The following PEAK1 variants were observed in gnomAD, a reference collection of about 807,000 sequenced individuals.
The protein encoded by PEAK1 is pseudopodium enriched atypical kinase 1.
A neutral mutation model predicts 124.7 loss-of-function variants in PEAK1; 54 were observed. The ratio of observed to expected loss-of-function variants is 0.43; its 90% CI spans 0.35 to 0.54. The LOEUF (loss-of-function observed/expected upper bound fraction) is 0.54. PEAK1 is among the 20% of genes least tolerant of loss of function. The probability of loss-of-function intolerance (pLI) is 0.01; values close to 1 mark genes in which losing one functional copy is unlikely to be tolerated. For synonymous variants in PEAK1, 719 were observed against 760.0 expected, an observed-to-expected ratio of 0.95 and a Z score of 0.89; for missense variants, 2,046 against 2,134.5, an observed-to-expected ratio of 0.96 and a Z score of 0.82.
At chr15:77,187,164 T>C (rs757907179) in intron 6 of PEAK1, among the ~76,000 whole-genome samples, 1 of 152,222 alleles carries the variant, frequency 6.6e-6, no homozygotes, top group Non-Finnish European at 1.5e-5. Flanking sequence ...AAATAGTCTA[T>C]GGGAGAGTTT....
chr15:77,221,639 C>T (rs935861747), intron 6 of PEAK1, among the ~76,000 whole-genome samples: 1 of 151,996 alleles, frequency 6.6e-6, no homozygotes, highest in African/African-American at 2.4e-5. Context: ...TTTTATGAAG[C>T]ACCTAACTGG....
intron 2 of PEAK1, among the ~76,000 whole-genome samples, chr15:77,299,438 G>A (rs181262944): frequency 4.2e-4 from 64 of 152,040 alleles, no homozygotes; most frequent in African/African-American, 1.2e-3. Context: ...ACCATAATAC[G>A]ATCATCAAAA....
intron 1 of PEAK1, chr15:77,402,763 T>G: frequency 1.0e-6 from 1 of 985,402 alleles, no homozygotes; most frequent in South Asian, 4.7e-5. Flanking sequence ...ACTTTCATAC[T>G]GCACATGCCA....
intron 6 of PEAK1, among the ~76,000 whole-genome samples, chr15:77,219,736 G>A (rs1334269685): frequency 6.6e-6 from 1 of 152,052 alleles, no homozygotes; most frequent in Non-Finnish European, 1.5e-5. Flanking sequence ...AAGCAAAAAT[G>A]ACTTTCTGGC....
intron 1 of PEAK1, among the ~76,000 whole-genome samples, chr15:77,410,247 C>A (rs2072291184): frequency 6.6e-6 from 1 of 151,978 alleles, no homozygotes; most frequent in South Asian, 2.1e-4. Flanking sequence ...GATTCTCCTA[C>A]CTCAGCCTCC....
At chr15:77,312,427 G>T (rs1415331268) in intron 2 of PEAK1, among the ~76,000 whole-genome samples, 1 of 152,138 alleles carries the variant, frequency 6.6e-6, no homozygotes, top group Non-Finnish European at 1.5e-5. Flanking sequence ...CACATGGTAG[G>T]TCTTCAACAG....
At chr15:77,172,259 T>C (rs1429889749) in intron 7 of PEAK1, among the ~76,000 whole-genome samples, 1 of 152,206 alleles carries the variant, frequency 6.6e-6, no homozygotes, top group East Asian at 1.9e-4. Flanking sequence ...AAATTATTGG[T>C]TTACTGAGTT....
In PEAK1 at chr15:77,313,658, G is replaced by A. The variant is rs1010077311; in HGVS notation, c.-602-27154C>T. Among the ~76,000 whole-genome samples, 262 of 104,186 alleles carry A rather than the reference G, an allele frequency of 2.5e-3. 8 individuals are homozygous for A. The South Asian group carries it at 0.062, about 25-fold the overall frequency. 68.4% of individuals were successfully genotyped at this position (104,186 alleles called of 152,430 possible). The stretch of plus-strand genomic sequence containing the variant: ...TGTATGTATGTATGTATGTATGTGT[G>A]TGTGTGTGTGTGTGTGTGTGTGTGT... On this transcript the variant is annotated intron_variant, in intron 2 of 9. Coordinates refer to ENST00000682557, the MANE Select transcript of PEAK1 (RefSeq NM_001385026.1).
At chr15:77,350,427 T>C in intron 2 of PEAK1, 1 of 985,400 alleles carries the variant, frequency 1.0e-6, no homozygotes, top group Non-Finnish European at 1.2e-6. Context: ...ACAGCCTGAA[T>C]GTAGCAAGCT....
At chr15:77,349,111 C>T (rs2067054810) in intron 2 of PEAK1, 1 of 642,766 alleles carries the variant, frequency 1.6e-6, no homozygotes, top group African/African-American at 2.0e-5. Context: ...GTGATCTCGG[C>T]TCACTGCAAC....
chr15:77,132,979 A>C (rs753843059), intron 9 of PEAK1, 26 bp downstream of exon 9: 8 of 1,583,454 alleles, frequency 5.1e-6, no homozygotes, highest in African/African-American at 4.1e-5. Flanking sequence ...TTAAGACTTA[A>C]CATGAGATTT....
chr15:77,302,201 G>T (rs1356100800), intron 2 of PEAK1, among the ~76,000 whole-genome samples: 1 of 152,132 alleles, frequency 6.6e-6, no homozygotes, highest in Non-Finnish European at 1.5e-5. Context: ...AAGATCTGAG[G>T]ACTAGGTATG....
At chr15:77,206,814 A>G (rs537364631) in intron 6 of PEAK1, among the ~76,000 whole-genome samples, 2 of 152,236 alleles carry the variant, frequency 1.3e-5, no homozygotes, top group Non-Finnish European at 2.9e-5. Context: ...TTTGCTGTGC[A>G]GAAGCTCTTT....
intron 8 of PEAK1, among the ~76,000 whole-genome samples, chr15:77,150,155 T>C (rs1193745151): frequency 6.6e-6 from 1 of 152,226 alleles, no homozygotes; most frequent in Non-Finnish European, 1.5e-5. Flanking sequence ...GATGATGTTT[T>C]TTTTAAGTCT....
chr15:77,411,802 G>T (rs371451033), intron 1 of PEAK1, among the ~76,000 whole-genome samples: 1 of 151,814 alleles, frequency 6.6e-6, no homozygotes, highest in South Asian at 2.1e-4. Flanking sequence ...ATGGGGGTTG[G>T]GGGTGGGTCT....
At chr15:77,230,871 A>C (rs984101036) in intron 6 of PEAK1, among the ~76,000 whole-genome samples, 7 of 152,120 alleles carry the variant, frequency 4.6e-5, no homozygotes, top group African/African-American at 1.7e-4. Flanking sequence ...AACCAACCAC[A>C]AAAACCCAGT....
chr15:77,381,494 T>A (rs947080131), intron 1 of PEAK1: 2 of 962,734 alleles, frequency 2.1e-6, no homozygotes, highest in Non-Finnish European at 2.5e-6. Flanking sequence ...AAGAACTGAA[T>A]CTGACATTAC....
chr15:77,367,395 C>A (rs559850464), intron 1 of PEAK1, among the ~76,000 whole-genome samples: 22 of 152,214 alleles, frequency 1.4e-4, no homozygotes, highest in African/African-American at 5.3e-4. Context: ...GAATTGACTG[C>A]AAAGGGGCTT....
intron 2 of PEAK1, among the ~76,000 whole-genome samples, chr15:77,313,684 G>GTATATATATATATATATATATATATATA (rs1567244775): frequency 8.4e-6 from 1 of 119,726 alleles, no homozygotes; most frequent in African/African-American, 3.9e-5. Context: ...GTGTGTGTGT[G>GTATATATATATATATATATATATATATA]TGTGTGTGTA....
Sources: gnomAD v4.1 joint callset for allele counts (sites outside exome capture counted in the v4.1 genomes callset) on GRCh38, gnomAD v4.1.1 for gene constraint, MANE v1.5 for transcripts, NCBI Gene and HGNC (gene_info 2026-07-23, HGNC 2026-07-21) for gene names.